The following EPHA7 variants were observed in gnomAD, a reference collection of about 807,000 sequenced individuals.
EPHA7 encodes EPH receptor A7.
In EPHA7, 25 loss-of-function variants were observed where a neutral mutation model predicts 112.6. The ratio of observed to expected loss-of-function variants is 0.22; its 90% CI spans 0.16 to 0.31. The LOEUF (loss-of-function observed/expected upper bound fraction) is 0.31, where lower values mean the gene tolerates loss of function less well. EPHA7 is among the 10% of genes least tolerant of loss of function. The probability of loss-of-function intolerance (pLI) is 1.00; values close to 1 mark genes in which losing one functional copy is unlikely to be tolerated. For synonymous variants in EPHA7, 437 were observed against 406.5 expected (o/e 1.07, Z -0.90); for missense variants, 962 against 1,212.6 (o/e 0.79, Z 3.07).
rs966237342 is a variant in EPHA7, at chr6:93,357,156, A to T, written c.989-104T>A. 11 of 826,016 alleles carry T rather than the reference A, an allele frequency of 1.3e-5. No individual in the cohort carries two copies. In the African/African-American group the frequency reaches 1.5e-4, roughly 12 times the overall value. 51.2% of individuals were successfully genotyped at this position (826,016 alleles called of 1,614,324 possible). On this transcript the variant is annotated intron_variant, in intron 4 of 16. Coordinates refer to ENST00000369303, the MANE Select transcript of EPHA7 (RefSeq NM_004440.4). Reference sequence around the variant, plus strand: ...GTGTGGGGCATTAAGCTAGTGGCTCAATTACCAAAGAGAAAACGAGTTGAA... The same window carrying T: ...GTGTGGGGCATTAAGCTAGTGGCTCTATTACCAAAGAGAAAACGAGTTGAA...
intron 3 of EPHA7, among the ~76,000 whole-genome samples, chr6:93,393,725 T>C (rs2127982968): frequency 6.6e-6 from 1 of 151,952 alleles, no homozygotes; most frequent in Admixed American, 6.6e-5. Flanking sequence ...CTGCAGATCA[T>C]AAAGTACAAT....
intron 5 of EPHA7, 97 bp downstream of exon 5, chr6:93,356,620 C>A (rs967055133): frequency 6.1e-6 from 7 of 1,142,792 alleles, no homozygotes; most frequent in South Asian, 1.5e-5. Flanking sequence ...CTGGAAGAAT[C>A]AAGCTCTGTG....
chr6:93,393,607 G>A (rs1204130833), intron 3 of EPHA7, among the ~76,000 whole-genome samples: 1 of 151,758 alleles, frequency 6.6e-6, no homozygotes, highest in Non-Finnish European at 1.5e-5. Context: ...GACTGAACTA[G>A]ACTGAAATCT....
intron 5 of EPHA7, among the ~76,000 whole-genome samples, chr6:93,338,826 G>GGCCC (rs1177600643): frequency 1.3e-5 from 2 of 151,074 alleles, no homozygotes; most frequent in Admixed American, 1.3e-4. Context: ...TGATGGAAGA[G>GGCCC]GTCCTGTAGT....
intron 5 of EPHA7, among the ~76,000 whole-genome samples, chr6:93,322,195 G>A (rs1774107515): frequency 6.6e-6 from 1 of 151,452 alleles, no homozygotes; most frequent in Non-Finnish European, 1.5e-5. Flanking sequence ...AATTTACACT[G>A]TATGTAATTT....
At chr6:93,271,569 A>G (rs902525982) in intron 6 of EPHA7, among the ~76,000 whole-genome samples, 1 of 151,898 alleles carries the variant, frequency 6.6e-6, no homozygotes, top group Admixed American at 6.6e-5. Flanking sequence ...ATCTGTGAAC[A>G]TGGCTCACAT....
intron 3 of EPHA7, among the ~76,000 whole-genome samples, chr6:93,393,983 C>T (rs956117659): frequency 6.6e-6 from 1 of 150,984 alleles, no homozygotes; most frequent in Admixed American, 6.6e-5. Context: ...GTGTAGATCA[C>T]TTATACAAAT....
chr6:93,387,940 T>C (rs201565540), intron 3 of EPHA7, among the ~76,000 whole-genome samples: 4,727 of 151,010 alleles, frequency 0.031, 103 homozygotes, highest in Middle Eastern at 0.1. Flanking sequence ...GATAGATAGA[T>C]AGATAGATAG....
chr6:93,376,129 T>G (rs1777048777), intron 3 of EPHA7, among the ~76,000 whole-genome samples: 1 of 152,056 alleles, frequency 6.6e-6, no homozygotes, highest in Non-Finnish European at 1.5e-5. Context: ...ACACATTTTT[T>G]TGTGTGGGGT....
chr6:93,356,271 G>T (rs569925036), intron 5 of EPHA7, among the ~76,000 whole-genome samples: 1 of 151,512 alleles, frequency 6.6e-6, no homozygotes, highest in Non-Finnish European at 1.5e-5. Flanking sequence ...GCAGTGGCAC[G>T]ATCTCGGCTC....
At chr6:93,315,066 G>A (rs1044507126) in intron 5 of EPHA7, among the ~76,000 whole-genome samples, 1 of 149,650 alleles carries the variant, frequency 6.7e-6, no homozygotes. Context: ...GTTTCACCGT[G>A]TTAGCCAGGA....
chr6:93,406,221 T>A (rs1778713586), intron 3 of EPHA7, among the ~76,000 whole-genome samples: 1 of 151,616 alleles, frequency 6.6e-6, no homozygotes, highest in Non-Finnish European at 1.5e-5. Flanking sequence ...TTAAGCAATA[T>A]AGTAATGCAA....
At chr6:93,395,704 T>A (rs181936267) in intron 3 of EPHA7, among the ~76,000 whole-genome samples, 1 of 151,898 alleles carries the variant, frequency 6.6e-6, no homozygotes, top group Non-Finnish European at 1.5e-5. Flanking sequence ...GGTCAGTGAA[T>A]ATTAGCTTCA....
At chr6:93,310,798 A>T (rs140243274) in intron 5 of EPHA7, among the ~76,000 whole-genome samples, 155 of 152,288 alleles carry the variant, frequency 1.0e-3, no homozygotes, top group African/African-American at 3.5e-3. Context: ...TCAGCGAGTC[A>T]TAATATTTTT....
intron 5 of EPHA7, among the ~76,000 whole-genome samples, chr6:93,339,035 A>C (rs1298193422): frequency 1.3e-5 from 2 of 151,090 alleles, no homozygotes; most frequent in South Asian, 2.1e-4. Context: ...CCAACATTTT[A>C]TTAAATAACA....
In EPHA7 at chr6:93,409,083, G is replaced by A. The variant is rs146815176; in HGVS notation, c.832+1418C>T. On this transcript the variant is annotated intron_variant, in intron 3 of 16. Transcript: ENST00000369303. Reference sequence around the variant, plus strand: ...TTTTTCAAAACCTAAAGAGCCACACGTGGCTGCTGGGTTCAGTACTATATA... The same window carrying A: ...TTTTTCAAAACCTAAAGAGCCACACATGGCTGCTGGGTTCAGTACTATATA... Among the ~76,000 whole-genome samples the A allele has an allele frequency of 1.4e-3, 207 of 151,966 alleles. 1 individual carries two copies. The highest frequency in any genetic ancestry group is 4.0e-3 in the African/African-American group (164 of 41,468).
At chr6:93,368,902 T>C (rs923836080) in intron 3 of EPHA7, among the ~76,000 whole-genome samples, 1 of 152,212 alleles carries the variant, frequency 6.6e-6, no homozygotes, top group South Asian at 2.1e-4. Flanking sequence ...TAAAGCAGGT[T>C]AAGGCAGTTT....
At chr6:93,322,119 T>C (rs1774103212) in intron 5 of EPHA7, among the ~76,000 whole-genome samples, 1 of 151,764 alleles carries the variant, frequency 6.6e-6, no homozygotes, top group African/African-American at 2.4e-5. Context: ...ACTGTACAGA[T>C]GCATACACGC....
chr6:93,257,976 C>A (rs1338890099), intron 11 of EPHA7, 123 bp downstream of exon 11: 3 of 932,916 alleles, frequency 3.2e-6, no homozygotes, highest in Non-Finnish European at 4.6e-6. Context: ...TAGTTACATA[C>A]CAAGAAAACA....
Sources: gnomAD v4.1 joint callset for allele counts (sites outside exome capture counted in the v4.1 genomes callset) on GRCh38, gnomAD v4.1.1 for gene constraint, MANE v1.5 for transcripts, NCBI Gene and HGNC (gene_info 2026-07-23, HGNC 2026-07-21) for gene names.